ZBTB7C: variants seen among roughly 807,000 people sequenced by gnomAD.
ZBTB7C encodes the protein zinc finger and BTB domain containing 7C, also known as zinc finger and BTB domain-containing protein 7C.
Under a neutral mutation model 25.7 loss-of-function variants are expected in ZBTB7C, and 8 were observed. The observed-to-expected ratio is 0.31, with a 90% CI of 0.18 to 0.56. ZBTB7C has a LOEUF of 0.56. Ranked by LOEUF, ZBTB7C falls within the 20% of genes least tolerant of loss-of-function variation. The pLI is 0.91. For missense variants in ZBTB7C, 824 were observed against 855.2 expected, an observed-to-expected ratio of 0.96 and a Z score of 0.46; for synonymous variants, 394 against 369.0, an observed-to-expected ratio of 1.07 and a Z score of -0.78.
intron 1 of ZBTB7C, among the ~76,000 whole-genome samples, chr18:48,351,381 A>C (rs1198293004): frequency 6.6e-6 from 1 of 152,138 alleles, no homozygotes; most frequent in East Asian, 1.9e-4. Flanking sequence ...GCCCAAGTTC[A>C]AAGGTGTTAA....
chr18:48,047,981 C>G (rs2036538851), intron 3 of ZBTB7C, among the ~76,000 whole-genome samples: 3 of 152,162 alleles, frequency 2.0e-5, no homozygotes, highest in Non-Finnish European at 4.4e-5. Flanking sequence ...CGTTTGATGC[C>G]AAAGCTCATA....
At chr18:48,177,834 G>A (rs2041736259) in intron 3 of ZBTB7C, among the ~76,000 whole-genome samples, 1 of 152,174 alleles carries the variant, frequency 6.6e-6, no homozygotes. Context: ...AGCTCAGCCT[G>A]TAGGGCCCTA....
intron 3 of ZBTB7C, among the ~76,000 whole-genome samples, chr18:48,101,262 T>C (rs9964359): frequency 6.6e-6 from 1 of 152,016 alleles, no homozygotes; most frequent in Non-Finnish European, 1.5e-5. Context: ...TGCCAATCAT[T>C]GTATGCTCCT....
intron 3 of ZBTB7C, among the ~76,000 whole-genome samples, chr18:48,084,853 G>A (rs2038134470): frequency 6.6e-6 from 1 of 152,188 alleles, no homozygotes; most frequent in Non-Finnish European, 1.5e-5. Flanking sequence ...GAGCCAGAGA[G>A]GGACTCTGTC....
chr18:48,342,682 T>C (rs886348460), intron 1 of ZBTB7C, among the ~76,000 whole-genome samples: 6 of 152,090 alleles, frequency 3.9e-5, no homozygotes, highest in African/African-American at 1.4e-4. Flanking sequence ...CCCTGAAGCC[T>C]AGGATGCTTG....
rs71165315 is a variant in ZBTB7C at position 48,180,112 on chromosome 18, TTTCCTTCC to T, written c.-17+5814_-17+5821del. 1.9e-3 allele frequency among the ~76,000 whole-genome samples: 97 copies of T among 52,116 alleles called. 2 individuals carry two copies. The highest frequency in any genetic ancestry group is 0.03 in the Middle Eastern group (2 of 66). 34.2% of individuals were successfully genotyped at this position (52,116 alleles called of 152,430 possible). On this transcript the variant is annotated intron_variant, in intron 3 of 4. Transcript: ENST00000590800. ...CCCCTTCCTTCCTTTCCTTCCTTCC[TTTCCTTCC>T]TTCCTTCCTTCCTTCCTTCCTTCCT...
intron 1 of ZBTB7C, among the ~76,000 whole-genome samples, chr18:48,373,562 G>T (rs1447705851): frequency 1.3e-5 from 2 of 152,180 alleles, no homozygotes; most frequent in Admixed American, 1.3e-4. Flanking sequence ...GTTGAGCCTG[G>T]TGGAAGTTGT....
chr18:48,339,801 T>G (rs1487037897), intron 1 of ZBTB7C, among the ~76,000 whole-genome samples: 2 of 151,736 alleles, frequency 1.3e-5, no homozygotes, highest in Non-Finnish European at 2.9e-5. Context: ...GATAACAGAG[T>G]GATAAATAAG....
intron 3 of ZBTB7C, among the ~76,000 whole-genome samples, chr18:48,180,146 TCTTTC>T (rs2041872030): frequency 6.2e-5 from 8 of 129,508 alleles, no homozygotes; most frequent in Non-Finnish European, 1.0e-4. Flanking sequence ...CTTCCTTCCT[TCTTTC>T]CCTCCCTCCC....
chr18:48,096,755 T>C (rs2038648366), intron 3 of ZBTB7C, among the ~76,000 whole-genome samples: 2 of 152,160 alleles, frequency 1.3e-5, no homozygotes, highest in Admixed American at 1.3e-4. Flanking sequence ...CTGAAAGAAA[T>C]GGTGAAGAGA....
At chr18:48,363,102 G>A (rs558164873) in intron 1 of ZBTB7C, among the ~76,000 whole-genome samples, 10 of 152,188 alleles carry the variant, frequency 6.6e-5, no homozygotes, top group African/African-American at 2.4e-4. Context: ...GTGTGGGATC[G>A]AATGAATTAA....
At chr18:48,262,026 A>G (rs1169900491) in intron 2 of ZBTB7C, among the ~76,000 whole-genome samples, 2 of 148,418 alleles carry the variant, frequency 1.3e-5, no homozygotes, top group Non-Finnish European at 3.0e-5. Context: ...GGGACCTTCC[A>G]GTATATCTAG....
At chr18:48,387,952 G>A (rs2047789885) in intron 1 of ZBTB7C, among the ~76,000 whole-genome samples, 1 of 152,056 alleles carries the variant, frequency 6.6e-6, no homozygotes, top group South Asian at 2.1e-4. Flanking sequence ...TCAGCCTCCA[G>A]AGTACCTTGG....
At chr18:48,169,526 G>T (rs565597940) in intron 3 of ZBTB7C, among the ~76,000 whole-genome samples, 6 of 152,286 alleles carry the variant, frequency 3.9e-5, no homozygotes, top group African/African-American at 1.4e-4. Flanking sequence ...AATGAATGAA[G>T]GAAACTATGG....
intron 1 of ZBTB7C, among the ~76,000 whole-genome samples, chr18:48,365,699 G>GA (rs55653742): frequency 0.017 from 2,496 of 148,718 alleles, 64 homozygotes; most frequent in African/African-American, 0.058. Context: ...CTAGCCCACA[G>GA]AAAAAAAAAA....
intron 3 of ZBTB7C, among the ~76,000 whole-genome samples, chr18:48,118,332 T>C (rs1460362682): frequency 3.3e-5 from 5 of 152,190 alleles, no homozygotes; most frequent in Non-Finnish European, 7.3e-5. Context: ...ATATGTGAAC[T>C]GATCATTTGC....
chr18:48,053,650 G>A (rs898826543), intron 3 of ZBTB7C, among the ~76,000 whole-genome samples: 1 of 152,146 alleles, frequency 6.6e-6, no homozygotes, highest in Admixed American at 6.5e-5. Context: ...GTCAGGTTCC[G>A]GGTTTCCTAA....
chr18:48,220,688 A>G (rs1292768587), intron 2 of ZBTB7C, among the ~76,000 whole-genome samples: 1 of 152,184 alleles, frequency 6.6e-6, no homozygotes, highest in African/African-American at 2.4e-5. Context: ...AGGTGGCAAT[A>G]AAGACGGTTA....
chr18:48,268,751 TG>T (rs60315566), intron 2 of ZBTB7C, among the ~76,000 whole-genome samples: 152,302 of 152,302 alleles, frequency 1, 76,151 homozygotes, highest in Non-Finnish European at 1. Flanking sequence ...CATGTAAATG[TG>T]GGGTGTAGAT....
Sources: gnomAD v4.1 joint callset for allele counts (sites outside exome capture counted in the v4.1 genomes callset) on GRCh38, gnomAD v4.1.1 for gene constraint, MANE v1.5 for transcripts, NCBI Gene and HGNC (gene_info 2026-07-23, HGNC 2026-07-21) for gene names.